The following FGGY variants were observed in gnomAD, a reference collection of about 807,000 sequenced individuals.
FGGY encodes FGGY carbohydrate kinase domain-containing protein.
A neutral mutation model predicts 71.3 loss-of-function variants in FGGY; 72 were observed. That is an observed-to-expected ratio of 1.01 (90% CI 0.84 to 1.23). FGGY has a LOEUF of 1.23. Ranked by LOEUF, FGGY falls within the 50% of genes most tolerant of loss-of-function variation. The pLI is 0.00. For synonymous variants in FGGY, 251 were observed against 250.3 expected, an observed-to-expected ratio of 1.00 and a Z score of -0.02; for missense variants, 668 against 682.3, an observed-to-expected ratio of 0.98 and a Z score of 0.23.
intron 5 of FGGY, among the ~76,000 whole-genome samples, chr1:59,402,423 G>T (rs1220585303): frequency 6.6e-6 from 1 of 152,164 alleles, no homozygotes; most frequent in African/African-American, 2.4e-5. Context: ...AGATCTGTTT[G>T]CATATTTGAC....
chr1:59,626,764 A>C (rs1314322000), intron 10 of FGGY: 1 of 152,212 alleles, frequency 6.6e-6, no homozygotes, highest in South Asian at 2.1e-4. Flanking sequence ...TTGAGGCAGG[A>C]GAATTGCTCA....
intron 5 of FGGY, among the ~76,000 whole-genome samples, chr1:59,394,655 T>C (rs2061108020): frequency 6.6e-6 from 1 of 152,190 alleles, no homozygotes; most frequent in Non-Finnish European, 1.5e-5. Flanking sequence ...TAAATACTAT[T>C]GTCTACCATT....
chr1:59,311,722 C>A (rs1022566104), intron 1 of FGGY, among the ~76,000 whole-genome samples: 1 of 152,152 alleles, frequency 6.6e-6, no homozygotes, highest in African/African-American at 2.4e-5. Flanking sequence ...TGTGTCTTTA[C>A]AGTAGAGTGA....
chr1:59,426,388 G>A (rs2066373283), intron 5 of FGGY, among the ~76,000 whole-genome samples: 2 of 152,132 alleles, frequency 1.3e-5, no homozygotes, highest in South Asian at 4.1e-4. Context: ...TGAAGGGAGG[G>A]GAAGGAGGAA....
chr1:59,591,111 G>A (rs1485990774), intron 8 of FGGY, among the ~76,000 whole-genome samples: 1 of 152,080 alleles, frequency 6.6e-6, no homozygotes. Flanking sequence ...CAAAATCAAT[G>A]TGCAAAAATC....
At chr1:59,649,152 G>C (rs960563710) in intron 11 of FGGY, among the ~76,000 whole-genome samples, 3 of 151,298 alleles carry the variant, frequency 2.0e-5, no homozygotes, top group Non-Finnish European at 2.9e-5. Flanking sequence ...GGTTACTGTA[G>C]CCTTGTAGTA....
chr1:59,758,656 A>G (rs1245864723), intron 15 of FGGY, among the ~76,000 whole-genome samples: 2 of 152,244 alleles, frequency 1.3e-5, no homozygotes, highest in Non-Finnish European at 2.9e-5. Context: ...AAATTGGTAG[A>G]CAGGCCAAGG....
chr1:59,700,358 G>C (rs944423487), intron 14 of FGGY, among the ~76,000 whole-genome samples: 1 of 152,150 alleles, frequency 6.6e-6, no homozygotes, highest in Non-Finnish European at 1.5e-5. Context: ...GCCAAGCACT[G>C]TTCTAACCAC....
chr1:59,556,552 G>A (rs759886222), intron 8 of FGGY, among the ~76,000 whole-genome samples: 1 of 152,200 alleles, frequency 6.6e-6, no homozygotes, highest in Non-Finnish European at 1.5e-5. Flanking sequence ...GCATGAAGAT[G>A]ATGTACCCAT....
At chr1:59,321,996 G>A (rs1376959953) in intron 2 of FGGY, among the ~76,000 whole-genome samples, 2 of 152,144 alleles carry the variant, frequency 1.3e-5, no homozygotes, top group Non-Finnish European at 2.9e-5. Context: ...GGGGCTCAGG[G>A]AAGACAGGAC....
rs1281197749 is a variant in FGGY, at chr1:59,651,759, C to G, written c.1222-8460C>G. Among the ~76,000 whole-genome samples, 102 of 150,432 alleles carry G rather than the reference C, an allele frequency of 6.8e-4. No individual in the cohort carries two copies. The Middle Eastern group carries it at 0.017, about 26-fold the overall frequency. The stretch of plus-strand genomic sequence containing the variant: ...AGAATTTAGTCCATTTACATTTAAA[C>G]TTAATATTGTTATGTGTGAATTTGA... On this transcript the variant is annotated intron_variant, in intron 11 of 15. Coordinates refer to ENST00000303721, the MANE Select transcript of FGGY (RefSeq NM_018291.5).
intron 5 of FGGY, among the ~76,000 whole-genome samples, chr1:59,390,511 G>A (rs550770515): frequency 2.0e-4 from 31 of 152,278 alleles, no homozygotes; most frequent in Non-Finnish European, 4.3e-4. Context: ...TACAAAGGAT[G>A]TGCCTCACAT....
intron 14 of FGGY, among the ~76,000 whole-genome samples, chr1:59,724,320 C>CA (rs1321972030): frequency 0.031 from 4,189 of 135,558 alleles, 162 homozygotes; most frequent in East Asian, 0.13. Context: ...ACTAAAAATA[C>CA]AAAAAAAAAA....
At position 59,339,472 on chromosome 1, in the gene FGGY, A is replaced by AT. The variant is rs572623968; in HGVS notation, c.202-477dup. Among the ~76,000 whole-genome samples the AT allele has an allele frequency of 2.3e-3, 340 of 150,036 alleles. 1 individual carries two copies. Among genetic ancestry groups the AT allele is most frequent in the Middle Eastern group, 0.01 (3 of 294 alleles). ...CCAATTATTTTTAATTATTATTATT[A>AT]TTTTTTTTTGAGATGGAGTTTCGCT... On this transcript the variant is annotated intron_variant, in intron 2 of 15. Coordinates refer to ENST00000303721, the MANE Select transcript of FGGY (RefSeq NM_018291.5).
At chr1:59,684,438 G>A (rs537932733) in intron 14 of FGGY, among the ~76,000 whole-genome samples, 9 of 152,122 alleles carry the variant, frequency 5.9e-5, no homozygotes, top group African/African-American at 9.7e-5. Context: ...GGCTGGTGAC[G>A]GAGCTAGAAC....
At chr1:59,532,324 T>A (rs1269492146) in intron 7 of FGGY, among the ~76,000 whole-genome samples, 1 of 151,956 alleles carries the variant, frequency 6.6e-6, no homozygotes, top group African/African-American at 2.4e-5. Context: ...TACAAAAGGA[T>A]GGAAAATACA....
chr1:59,569,688 G>A (rs574850601), intron 8 of FGGY, among the ~76,000 whole-genome samples: 6 of 152,208 alleles, frequency 3.9e-5, no homozygotes, highest in Admixed American at 3.9e-4. Flanking sequence ...GTTTATGGAA[G>A]TTTTTGTGAC....
intron 4 of FGGY, among the ~76,000 whole-genome samples, chr1:59,347,232 G>GCTAT (rs1289548657): frequency 6.8e-6 from 1 of 147,928 alleles, no homozygotes; most frequent in African/African-American, 2.5e-5. Flanking sequence ...ATCTTCTAAT[G>GCTAT]CTATCCCTCC....
intron 11 of FGGY, among the ~76,000 whole-genome samples, chr1:59,642,949 G>A (rs1256983723): frequency 2.0e-5 from 3 of 150,368 alleles, no homozygotes; most frequent in Non-Finnish European, 4.4e-5. Context: ...GCAGGAGAAT[G>A]GCGAGAACCT....
Sources: gnomAD v4.1 joint callset for allele counts (sites outside exome capture counted in the v4.1 genomes callset) on GRCh38, gnomAD v4.1.1 for gene constraint, MANE v1.5 for transcripts, NCBI Gene and HGNC (gene_info 2026-07-23, HGNC 2026-07-21) for gene names.